The following EYS variants were observed in gnomAD, a reference collection of about 807,000 sequenced individuals.
EYS encodes EGF-like photoreceptor maintenance factor.
A neutral mutation model predicts 282.1 loss-of-function variants in EYS; 250 were observed. That is an observed-to-expected ratio of 0.89 (90% CI 0.80 to 0.98). The LOEUF is 0.98. Among genes scored for constraint, EYS ranks in the 50% least tolerant of loss-of-function variants. The pLI is 0.00. For synonymous variants in EYS, 1,355 were observed against 1,282.9 expected (o/e 1.06, Z -1.20); for missense variants, 4,016 against 3,709.0 (o/e 1.08, Z -2.15).
chr6:65,462,246 G>C (rs1449163431), intron 5 of EYS, among the ~76,000 whole-genome samples: 2 of 152,098 alleles, frequency 1.3e-5, no homozygotes, highest in Non-Finnish European at 1.5e-5. Context: ...TTTATATAAT[G>C]TTCTTGAAAA....
chr6:64,238,563 T>C (rs1211345401), intron 30 of EYS, among the ~76,000 whole-genome samples: 1 of 152,024 alleles, frequency 6.6e-6, no homozygotes, highest in Non-Finnish European at 1.5e-5. Flanking sequence ...CACTTCTGAG[T>C]CTCCAATGTC....
intron 19 of EYS, among the ~76,000 whole-genome samples, chr6:64,842,710 G>C (rs889217525): frequency 2.6e-5 from 4 of 152,044 alleles, no homozygotes; most frequent in African/African-American, 9.7e-5. Context: ...CTTTGGACCT[G>C]CCCTAGAGAT....
chr6:64,863,651 G>A (rs184407425), intron 19 of EYS, among the ~76,000 whole-genome samples: 1 of 152,256 alleles, frequency 6.6e-6, no homozygotes, highest in East Asian at 1.9e-4. Context: ...TATAGCAATA[G>A]TAGCTTTATT....
At chr6:65,097,983 T>A (rs1343805348) in intron 12 of EYS, among the ~76,000 whole-genome samples, 2 of 150,774 alleles carry the variant, frequency 1.3e-5, no homozygotes, top group Non-Finnish European at 3.0e-5. Flanking sequence ...TTCTGTGTGA[T>A]GTTAACTAAC....
chr6:64,329,570 G>A (rs547164734), intron 29 of EYS, among the ~76,000 whole-genome samples: 6 of 152,172 alleles, frequency 3.9e-5, no homozygotes, highest in East Asian at 1.9e-4. Flanking sequence ...ACAATCCCCC[G>A]GGGCTAGCCA....
At chr6:64,675,537 C>G (rs1471777891) in intron 22 of EYS, among the ~76,000 whole-genome samples, 1 of 147,658 alleles carries the variant, frequency 6.8e-6, no homozygotes, top group Non-Finnish European at 1.5e-5. Flanking sequence ...AAGCAATTCT[C>G]CTGCCTCAGC....
chr6:64,534,927 AC>A (rs1764472248), intron 26 of EYS, among the ~76,000 whole-genome samples: 1 of 152,158 alleles, frequency 6.6e-6, no homozygotes, highest in Admixed American at 6.5e-5. Context: ...AGGTGCATGC[AC>A]ACACACATAC....
intron 24 of EYS, among the ~76,000 whole-genome samples, chr6:64,617,093 G>A (rs1767298146): frequency 6.6e-6 from 1 of 152,098 alleles, no homozygotes; most frequent in Non-Finnish European, 1.5e-5. Flanking sequence ...CCAAGACCCT[G>A]ACGGTATTAA....
intron 2 of EYS, among the ~76,000 whole-genome samples, chr6:65,507,316 T>A (rs1389153188): frequency 5.3e-5 from 8 of 152,118 alleles, no homozygotes; most frequent in Non-Finnish European, 5.9e-5. Context: ...ATAGAAAAAG[T>A]GTTTTTTTAA....
intron 22 of EYS, among the ~76,000 whole-genome samples, chr6:64,652,454 G>A (rs1768597567): frequency 6.6e-6 from 1 of 152,084 alleles, no homozygotes; most frequent in Non-Finnish European, 1.5e-5. Context: ...ACAAAAAATG[G>A]AAACCTCAGT....
At chr6:64,445,450 T>A (rs1304414137) in intron 26 of EYS, among the ~76,000 whole-genome samples, 2 of 152,222 alleles carry the variant, frequency 1.3e-5, no homozygotes, top group Non-Finnish European at 2.9e-5. Context: ...TATGGATTCA[T>A]ATTATGATTA....
chr6:64,752,808 T>C (rs532689208), intron 22 of EYS, among the ~76,000 whole-genome samples: 1 of 152,236 alleles, frequency 6.6e-6, no homozygotes, highest in African/African-American at 2.4e-5. Flanking sequence ...AGTGGATTTC[T>C]CAATTGATAC....
intron 24 of EYS, among the ~76,000 whole-genome samples, chr6:64,616,272 C>T (rs965315941): frequency 4.6e-5 from 7 of 152,116 alleles, no homozygotes; most frequent in African/African-American, 1.4e-4. Flanking sequence ...AGAAAAATAA[C>T]TTCTTGGTAC....
intron 26 of EYS, among the ~76,000 whole-genome samples, chr6:64,523,480 C>T (rs12661716): frequency 2.1e-4 from 32 of 151,810 alleles, no homozygotes; most frequent in African/African-American, 7.2e-4. Flanking sequence ...CAGGAAATTT[C>T]TACATTTCCC....
intron 12 of EYS, among the ~76,000 whole-genome samples, chr6:65,269,005 A>G (rs908192009): frequency 2.0e-5 from 3 of 152,144 alleles, no homozygotes; most frequent in African/African-American, 7.2e-5. Flanking sequence ...AGAATAAAAA[A>G]ATGAAGGCAA....
chr6:65,204,954 A>G (rs1315936), intron 12 of EYS, among the ~76,000 whole-genome samples: 4,628 of 123,844 alleles, frequency 0.037, 438 homozygotes, highest in African/African-American at 0.091. Flanking sequence ...TATATATTCT[A>G]GAAGAATATA....
intron 29 of EYS, among the ~76,000 whole-genome samples, chr6:64,326,479 T>A (rs1419520587): frequency 1.3e-5 from 2 of 152,214 alleles, no homozygotes; most frequent in East Asian, 3.9e-4. Context: ...CTTTAAGATG[T>A]TTAAAAGTAG....
intron 41 of EYS, among the ~76,000 whole-genome samples, chr6:63,760,673 TATCTATC>T (rs1562013422): frequency 1.5e-4 from 22 of 151,426 alleles, no homozygotes; most frequent in African/African-American, 5.3e-4. Context: ...TCTATCTATC[TATCTATC>T]TATCTATCTA....
intron 33 of EYS, among the ~76,000 whole-genome samples, chr6:64,033,305 AG>A (rs1463893128): frequency 8.5e-5 from 13 of 152,294 alleles, no homozygotes; most frequent in African/African-American, 3.1e-4. Flanking sequence ...TAGAGAAAAA[AG>A]GCTCCTTTTA....
Sources: allele counts gnomAD v4.1 joint callset (sites outside exome capture counted in the v4.1 genomes callset), GRCh38; gene constraint gnomAD v4.1.1; transcripts MANE v1.5; gene names NCBI Gene and HGNC (gene_info 2026-07-23, HGNC 2026-07-21).